POLR1A: variants seen among roughly 807,000 people sequenced by gnomAD.
The protein encoded by POLR1A is RNA polymerase I subunit A, also known as DNA-directed RNA polymerase I subunit RPA1.
In POLR1A, 84 loss-of-function variants were observed where a neutral mutation model predicts 205.3. The observed-to-expected ratio is 0.41, with a 90% CI of 0.34 to 0.49. POLR1A has a LOEUF of 0.49. Ranked by LOEUF, POLR1A falls within the 20% of genes least tolerant of loss-of-function variation. POLR1A has a pLI of 0.22. For synonymous variants in POLR1A, 799 were observed against 863.7 expected (o/e 0.93, Z 1.31); for missense variants, 1,645 against 2,204.5 (o/e 0.75, Z 5.08).
chr2:86,058,126 A>C (rs1386155766), intron 14 of POLR1A, among the ~76,000 whole-genome samples: 1 of 152,086 alleles, frequency 6.6e-6, no homozygotes, highest in African/African-American at 2.4e-5. Context: ...ATTGAGATGG[A>C]GTCTCGCTCT....
In POLR1A at chr2:86,021,513, C is replaced by T. The variant is rs1187182422; in HGVS notation, c.*5910G>A. On this transcript the variant is annotated 3_prime_UTR_variant, in exon 34 of 34. Coordinates refer to ENST00000263857, the MANE Select transcript of POLR1A (RefSeq NM_015425.6). ...AAGTACCTCCCCACTGTCCTCTCCACTCTGTCCTTCCTACAAAGCACCCTC... is the reference window on the plus strand; with the variant it reads ...AAGTACCTCCCCACTGTCCTCTCCATTCTGTCCTTCCTACAAAGCACCCTC... The T allele has an allele frequency of 1.3e-5, 2 of 152,448 alleles. No homozygotes were observed. Among genetic ancestry groups the T allele is most frequent in the Non-Finnish European group, 2.9e-5 (2 of 68,204 alleles). The allele number at this position is 152,448 out of a possible 1,614,324, so 9.4% of individuals were successfully genotyped here.
chr2:86,035,891 G>T (rs962249288), intron 27 of POLR1A, among the ~76,000 whole-genome samples: 4 of 152,206 alleles, frequency 2.6e-5, no homozygotes, highest in African/African-American at 9.6e-5. Flanking sequence ...AAGGAGGTGA[G>T]AAGGCAGAAT....
Position 86,081,764 on chromosome 2 carries a change from G to A in POLR1A, c.818-58C>T, listed in dbSNP as rs1673406210. 3.1e-6 allele frequency: 3 copies of A among 955,972 alleles called. No homozygotes were observed. In the South Asian group the frequency reaches 4.2e-5, roughly 13 times the overall value. The allele number at this position is 955,972 out of a possible 1,614,324, so 59.2% of individuals were successfully genotyped here. A position where few individuals can be genotyped will look rare whatever the true frequency, so the allele number is the denominator to read the frequency against. ...TTTAAATCTATCACTAAGGGCATGGGAGGACAACCATAAAAATATTACTGA... is the reference window on the plus strand; with the variant it reads ...TTTAAATCTATCACTAAGGGCATGGAAGGACAACCATAAAAATATTACTGA... On this transcript the variant is annotated intron_variant, in intron 7 of 33. Coordinates refer to ENST00000263857, the MANE Select transcript of POLR1A (RefSeq NM_015425.6).
chr2:86,098,132 C>G (rs1422724479), intron 3 of POLR1A, among the ~76,000 whole-genome samples: 1 of 152,098 alleles, frequency 6.6e-6, no homozygotes, highest in Non-Finnish European at 1.5e-5. Flanking sequence ...TACAAAGTAC[C>G]CTGTATCATG....
rs190915185 is a variant in POLR1A at position 86,067,873 on chromosome 2, C to T, written c.1866+2145G>A. The stretch of plus-strand genomic sequence containing the variant: ...TCAAGAATCAAAAGCTCTTTACCTC[C>T]GACAAAAGAAAGTGAATGAAAGTAC... On this transcript the variant is annotated intron_variant, in intron 13 of 33. Transcript: ENST00000263857. 3.2e-4 allele frequency among the ~76,000 whole-genome samples: 48 copies of T among 152,194 alleles called. No homozygotes were observed. The South Asian group carries it at 6.8e-3, about 22-fold the overall frequency.
At position 86,043,069 on chromosome 2, in the gene POLR1A, C is replaced by T. The variant is rs370878679; in HGVS notation, c.3262G>A (p.Ala1088Thr). ...ATTTTCTGGGAATAACTCAAGAAGG[C>T]GCCTCTTCTCAGCAGGGTGTTGGGG... is the stretch of plus-strand genomic sequence containing the variant. ...KHPNTLLRRGAFLSYSQKIQE... is the reference protein window; with the variant it reads ...KHPNTLLRRGTFLSYSQKIQE... The change falls in exon 23 of 34, where the codon GCC (alanine) becomes ACC (threonine). Residue 1088 changes from alanine to threonine, a missense_variant. Transcript: ENST00000263857. The T allele has an allele frequency of 2.1e-5, 34 of 1,613,988 alleles. No homozygotes were observed. Among genetic ancestry groups the T allele is most frequent in the African/African-American group, 1.6e-4 (12 of 74,902 alleles).
intron 28 of POLR1A, 32 bp downstream of exon 28, chr2:86,033,629 G>C: frequency 6.2e-7 from 1 of 1,607,932 alleles, no homozygotes; most frequent in Non-Finnish European, 8.5e-7. Context: ...CTGTCCCTGT[G>C]CAACTCTAGT....
At chr2:86,055,828 C>T (rs927864213) in intron 14 of POLR1A, among the ~76,000 whole-genome samples, 1 of 152,234 alleles carries the variant, frequency 6.6e-6, no homozygotes, top group African/African-American at 2.4e-5. Flanking sequence ...TACTAACATG[C>T]TCAATGATAG....
chr2:86,086,781 C>G (rs1361394018), intron 6 of POLR1A, among the ~76,000 whole-genome samples: 1 of 152,188 alleles, frequency 6.6e-6, no homozygotes, highest in Non-Finnish European at 1.5e-5. Context: ...GACATTTGCC[C>G]CACGAAAACT....
chr2:86,031,258 A>C, intron 30 of POLR1A, 72 bp downstream of exon 30: 1 of 1,500,066 alleles, frequency 6.7e-7, no homozygotes, highest in Non-Finnish European at 8.9e-7. Flanking sequence ...GGAGCTCAGC[A>C]GGCCCCTTCC....
chr2:86,105,217 T>C (rs1019138206), intron 1 of POLR1A, among the ~76,000 whole-genome samples: 4 of 152,320 alleles, frequency 2.6e-5, no homozygotes, highest in Admixed American at 1.3e-4. Context: ...TGTCAAATGC[T>C]ACCTTGATCA....
At chr2:86,062,472 G>GAA (rs59936142) in intron 14 of POLR1A, among the ~76,000 whole-genome samples, 1 of 147,678 alleles carries the variant, frequency 6.8e-6, no homozygotes, top group East Asian at 2.0e-4. Flanking sequence ...CTCATGGATT[G>GAA]AAAAAAAAAA....
rs187094806 is a variant in POLR1A at position 86,072,671 on chromosome 2, T to C, written c.1611+2359A>G. On this transcript the variant is annotated intron_variant, in intron 12 of 33. Coordinates refer to ENST00000263857, the MANE Select transcript of POLR1A (RefSeq NM_015425.6). ...GGCAGGCTCGGAGCCAAAGGCCTGCTTCTGGCAGGCTGCTGAGCAGGGCAA... is the reference window on the plus strand; with the variant it reads ...GGCAGGCTCGGAGCCAAAGGCCTGCCTCTGGCAGGCTGCTGAGCAGGGCAA... 5.0e-3 allele frequency among the ~76,000 whole-genome samples: 764 copies of C among 152,344 alleles called. 9 individuals are homozygous for C. Among genetic ancestry groups the C allele is most frequent in the African/African-American group, 0.017 (724 of 41,576 alleles).
intron 9 of POLR1A, among the ~76,000 whole-genome samples, chr2:86,079,058 A>G (rs1334012321): frequency 6.6e-6 from 1 of 152,178 alleles, no homozygotes; most frequent in Non-Finnish European, 1.5e-5. Context: ...GTGGGCAGAT[A>G]AGAGAAGAAA....
rs1419893462 is a variant in POLR1A at position 86,084,702 on chromosome 2, C to T, written c.731-1534G>A. On this transcript the variant is annotated intron_variant, in intron 6 of 33. Transcript: ENST00000263857. ...TTTTTTTTCAAGACGGAGTCTTGCTCGTCACCCAGGCTGGAGTGCAGCGGC... is the reference window on the plus strand; with the variant it reads ...TTTTTTTTCAAGACGGAGTCTTGCTTGTCACCCAGGCTGGAGTGCAGCGGC... 4.2e-5 allele frequency among the ~76,000 whole-genome samples: 6 copies of T among 144,228 alleles called. No homozygotes were observed. The South Asian group carries it at 6.7e-4, about 16-fold the overall frequency. 94.6% of individuals were successfully genotyped at this position (144,228 alleles called of 152,430 possible). A position where few individuals can be genotyped will look rare whatever the true frequency, so the allele number is the denominator to read the frequency against.
At chr2:86,082,189 T>A (rs144088362) in intron 7 of POLR1A, among the ~76,000 whole-genome samples, 19 of 152,218 alleles carry the variant, frequency 1.2e-4, no homozygotes, top group African/African-American at 4.6e-4. Flanking sequence ...ACAGTTTGTA[T>A]GCAGGGGATA....
intron 22 of POLR1A, among the ~76,000 whole-genome samples, chr2:86,043,456 A>G (rs1430935520): frequency 6.6e-6 from 1 of 152,158 alleles, no homozygotes; most frequent in Non-Finnish European, 1.5e-5. Flanking sequence ...GCACACTCAG[A>G]GCCCCTCCAG....
chr2:86,029,178 A>G (rs1672330082), intron 31 of POLR1A, among the ~76,000 whole-genome samples: 1 of 152,070 alleles, frequency 6.6e-6, no homozygotes, highest in African/African-American at 2.4e-5. Context: ...GTCTTGGAGG[A>G]GCCTCTCACC....
intron 9 of POLR1A, among the ~76,000 whole-genome samples, chr2:86,079,821 C>T (rs192789229): frequency 1.4e-3 from 212 of 152,278 alleles, no homozygotes; most frequent in African/African-American, 4.3e-3. Flanking sequence ...CTCAGCCTCC[C>T]AAAGTGCTGG....
Sources: gnomAD v4.1 joint callset for allele counts (sites outside exome capture counted in the v4.1 genomes callset) on GRCh38, gnomAD v4.1.1 for gene constraint, MANE v1.5 for transcripts, NCBI Gene and HGNC (gene_info 2026-07-23, HGNC 2026-07-21) for gene names.